The following RYR2 variants were observed in gnomAD, a reference collection of about 807,000 sequenced individuals.
RYR2 encodes the protein cardiac muscle ryanodine receptor-calcium release channel.
Under a neutral mutation model 601.1 loss-of-function variants are expected in RYR2, and 227 were observed. The observed-to-expected ratio is 0.38, with a 90% confidence interval of 0.34 to 0.42. RYR2 has a LOEUF of 0.42. RYR2 is among the 10% of genes least tolerant of loss of function. RYR2 has a pLI of 1.00. For missense variants in RYR2, 4,646 were observed against 6,156.5 expected, an observed-to-expected ratio of 0.75 and a Z score of 8.21; for synonymous variants, 2,223 against 2,175.1, an observed-to-expected ratio of 1.02 and a Z score of -0.61.
chr1:237,820,200 A>C (rs979306854), intron 101 of RYR2, among the ~76,000 whole-genome samples: 1 of 151,708 alleles, frequency 6.6e-6, no homozygotes, highest in Non-Finnish European at 1.5e-5. Context: ...AAAAAAAAAA[A>C]AAAAAAAGGT....
chr1:237,576,391 T>TG (rs1673224206), intron 29 of RYR2, among the ~76,000 whole-genome samples: 1 of 152,158 alleles, frequency 6.6e-6, no homozygotes, highest in Non-Finnish European at 1.5e-5. Flanking sequence ...GTGGTATTGT[T>TG]GTAGGGATAG....
intron 34 of RYR2, 102 bp downstream of exon 34, chr1:237,595,759 G>A: frequency 1.5e-6 from 2 of 1,354,084 alleles, no homozygotes; most frequent in Non-Finnish European, 2.0e-6. Context: ...ATAGACACAT[G>A]TACATGTGCC....
intron 56 of RYR2, among the ~76,000 whole-genome samples, chr1:237,662,213 A>G (rs1269926978): frequency 6.6e-6 from 1 of 152,144 alleles, no homozygotes; most frequent in Non-Finnish European, 1.5e-5. Flanking sequence ...TTTGGGATGT[A>G]TCATATATGG....
At chr1:237,633,023 G>T (rs1680513879) in intron 42 of RYR2, among the ~76,000 whole-genome samples, 1 of 152,206 alleles carries the variant, frequency 6.6e-6, no homozygotes, top group Non-Finnish European at 1.5e-5. Context: ...GGTCAAACAT[G>T]CAGGCCTTCC....
chr1:237,536,713 T>TGA, intron 25 of RYR2, among the ~76,000 whole-genome samples: 1 of 20,060 alleles, frequency 5.0e-5, no homozygotes, highest in East Asian at 5.6e-3. Context: ...AGATTCCGTC[T>TGA]CAAAAAAAAA....
intron 16 of RYR2, among the ~76,000 whole-genome samples, chr1:237,461,600 T>C (rs1659489928): frequency 6.6e-6 from 1 of 152,188 alleles, no homozygotes; most frequent in Non-Finnish European, 1.5e-5. Context: ...CTTGATATTA[T>C]ATTTTTCATT....
At chr1:237,725,266 G>C (rs1690096989) in intron 74 of RYR2, among the ~76,000 whole-genome samples, 1 of 152,088 alleles carries the variant, frequency 6.6e-6, no homozygotes, top group East Asian at 1.9e-4. Flanking sequence ...TTTATCATGA[G>C]AGGAGGGTTT....
At chr1:237,825,907 A>G (rs1663036914) in intron 101 of RYR2, among the ~76,000 whole-genome samples, 1 of 152,206 alleles carries the variant, frequency 6.6e-6, no homozygotes, top group South Asian at 2.1e-4. Flanking sequence ...GCCAACAAAC[A>G]TATGAAAAAT....
At chr1:237,099,581 T>G (rs1244307896) in intron 1 of RYR2, among the ~76,000 whole-genome samples, 1 of 152,152 alleles carries the variant, frequency 6.6e-6, no homozygotes, top group Non-Finnish European at 1.5e-5. Context: ...GGTTGCAAGA[T>G]GAATCCAAGG....
At chr1:237,785,021 G>C in intron 90 of RYR2, 49 bp downstream of exon 90, 14 of 1,324,388 alleles carry the variant, frequency 1.1e-5, no homozygotes, top group Non-Finnish European at 1.5e-5. Context: ...CTTCAGGTGG[G>C]TATAATAAAT....
intron 1 of RYR2, among the ~76,000 whole-genome samples, chr1:237,127,379 C>T (rs1458996006): frequency 2.6e-5 from 4 of 151,370 alleles, no homozygotes; most frequent in African/African-American, 9.7e-5. Flanking sequence ...AGGCGCCCCT[C>T]ACCTCCCGGA....
chr1:237,322,869 A>G (rs1399944564), intron 2 of RYR2, among the ~76,000 whole-genome samples: 1 of 151,594 alleles, frequency 6.6e-6, no homozygotes, highest in Non-Finnish European at 1.5e-5. Context: ...TTTTTTAAAA[A>G]AAAAAACCTT....
intron 25 of RYR2, among the ~76,000 whole-genome samples, chr1:237,541,482 C>T (rs1225057709): frequency 6.6e-6 from 1 of 152,182 alleles, no homozygotes; most frequent in Non-Finnish European, 1.5e-5. Flanking sequence ...ATCCCCCTTT[C>T]CTACTTTATT....
intron 1 of RYR2, among the ~76,000 whole-genome samples, chr1:237,206,730 A>C (rs1331874970): frequency 6.6e-6 from 1 of 152,178 alleles, no homozygotes; most frequent in Non-Finnish European, 1.5e-5. Context: ...GTGGCTATTG[A>C]ATACTGCAAA....
At chr1:237,578,742 C>T (rs1049376023) in intron 29 of RYR2, among the ~76,000 whole-genome samples, 7 of 75,526 alleles carry the variant, frequency 9.3e-5, no homozygotes, top group South Asian at 4.3e-4. Context: ...CATGTACGCT[C>T]CCTCAGTGTC....
chr1:237,525,607 C>A (rs960444382), intron 24 of RYR2, among the ~76,000 whole-genome samples: 1 of 151,912 alleles, frequency 6.6e-6, no homozygotes, highest in Non-Finnish European at 1.5e-5. Flanking sequence ...TCCACCACCA[C>A]GCCTGGCTAA....
intron 25 of RYR2, among the ~76,000 whole-genome samples, chr1:237,535,260 C>T (rs999341557): frequency 5.9e-4 from 90 of 151,668 alleles, no homozygotes; most frequent in African/African-American, 2.1e-3. Flanking sequence ...TTTTAAAAAC[C>T]TACTAAGCAG....
chr1:237,580,227 C>T (rs1673755205), intron 29 of RYR2, among the ~76,000 whole-genome samples: 1 of 144,116 alleles, frequency 6.9e-6, no homozygotes, highest in Non-Finnish European at 1.5e-5. Context: ...GTGATCGCAG[C>T]TCACTGGAAC....
chr1:237,179,590 C>T (rs1168515988), intron 1 of RYR2, among the ~76,000 whole-genome samples: 1 of 152,110 alleles, frequency 6.6e-6, no homozygotes, highest in Non-Finnish European at 1.5e-5. Context: ...GCCCCAGCAT[C>T]TCTGAGATGG....
Sources: allele counts gnomAD v4.1 joint callset (sites outside exome capture counted in the v4.1 genomes callset), GRCh38; gene constraint gnomAD v4.1.1; transcripts MANE v1.5; gene names NCBI Gene and HGNC (gene_info 2026-07-23, HGNC 2026-07-21).